The following RGS12 variants were observed in gnomAD, a reference collection of about 807,000 sequenced individuals.
RGS12 encodes regulator of G protein signaling 12.
Under a neutral mutation model 120.1 loss-of-function variants are expected in RGS12, and 66 were observed. The ratio of observed to expected loss-of-function variants is 0.55; its 90% CI spans 0.45 to 0.67. RGS12 has a LOEUF of 0.67. Ranked by LOEUF, RGS12 falls within the 30% of genes least tolerant of loss-of-function variation. RGS12 has a pLI of 0.00. For synonymous variants in RGS12, 827 were observed against 804.7 expected, an observed-to-expected ratio of 1.03 and a Z score of -0.47; for missense variants, 1,859 against 1,957.7, an observed-to-expected ratio of 0.95 and a Z score of 0.95.
At position 3,405,711 on chromosome 4, in the gene RGS12, CAGAT is replaced by C. The variant is rs141751670; in HGVS notation, c.2021-8358_2021-8355del. ...AGGCATGCTGTCTCCAACTTAATCT[CAGAT>C]AGTCTGGAAAAAGGTTGCGTGTGTG... On this transcript the variant is annotated intron_variant, in intron 4 of 17. Coordinates refer to ENST00000336727, the MANE Select transcript of RGS12 (RefSeq NM_001394154.1). Among the ~76,000 whole-genome samples, 1,509 of 152,248 alleles carry C rather than the reference CAGAT, an allele frequency of 9.9e-3. 21 individuals are homozygous for C. The highest frequency in any genetic ancestry group is 0.031 in the African/African-American group (1,296 of 41,524).
At chr4:3,309,747 A>T (rs1391675290) in intron 1 of RGS12, among the ~76,000 whole-genome samples, 1 of 121,592 alleles carries the variant, frequency 8.2e-6, no homozygotes, top group African/African-American at 3.1e-5. Context: ...AGGAGAGCTG[A>T]GCAGGAGAGG....
intron 4 of RGS12, chr4:3,407,487 G>A (rs1721279899): frequency 6.6e-6 from 1 of 152,366 alleles, no homozygotes; most frequent in Admixed American, 6.5e-5. Flanking sequence ...GCTGACCCTG[G>A]TATGGACTCA....
At chr4:3,333,786 G>A (rs1712144799) in intron 2 of RGS12, among the ~76,000 whole-genome samples, 1 of 152,084 alleles carries the variant, frequency 6.6e-6, no homozygotes. Flanking sequence ...CTTGGGCCTC[G>A]CTGTTTTATG....
chr4:3,347,376 G>A (rs1006368185), intron 3 of RGS12, among the ~76,000 whole-genome samples: 7 of 152,074 alleles, frequency 4.6e-5, no homozygotes, highest in African/African-American at 1.4e-4. Flanking sequence ...CCTGGGAGGC[G>A]GAGTTTGCAG....
At chr4:3,299,976 G>A (rs1347676243) in intron 1 of RGS12, among the ~76,000 whole-genome samples, 10 of 152,202 alleles carry the variant, frequency 6.6e-5, no homozygotes, top group Admixed American at 5.2e-4. Flanking sequence ...CTGCTGTTCC[G>A]CGGTCTTCAC....
rs1330726002 is a variant in RGS12, at chr4:3,416,092, C to T, written c.2398C>T (p.Pro800Ser). 6 of 1,614,112 alleles carry T rather than the reference C, an allele frequency of 3.7e-6. No homozygotes were observed. The highest frequency in any genetic ancestry group is 1.7e-5 in the Admixed American group (1 of 60,014). ...AGACGACGTCCTCCGCGCACCTCAC[C>T]CAGACATGTTCAAGGAGCAGCAGCT... ...LADDVLRAPHPDMFKEQQLQI... is the reference protein window; with the variant it reads ...LADDVLRAPHSDMFKEQQLQI... Residue 800 changes from proline (P) to serine (S), a missense_variant, in exon 7 of 18, where the codon CCA (proline) becomes TCA (serine). By Grantham distance (74) the Pro-to-Ser change is moderately conservative. Transcript: ENST00000336727.
rs78253757 is a variant in RGS12 at position 3,374,347 on chromosome 4, G to A, written c.1999-12069G>A. Among the ~76,000 whole-genome samples the A allele has an allele frequency of 0.03, 4,605 of 152,222 alleles. 193 individuals carry two copies. The highest frequency in any genetic ancestry group is 0.096 in the African/African-American group (4,000 of 41,504). On this transcript the variant is annotated intron_variant, in intron 3 of 17. Coordinates refer to ENST00000336727, the MANE Select transcript of RGS12 (RefSeq NM_001394154.1). The surrounding 1 kb of genome is among the most constrained non-coding windows in gnomAD (Gnocchi z 6.3). Reference sequence around the variant, plus strand: ...TTCACCACTGTCAGGTCTTCACGGGGGAGGCCTAGGCTGGGCGGGGACCGG... The same window carrying A: ...TTCACCACTGTCAGGTCTTCACGGGAGAGGCCTAGGCTGGGCGGGGACCGG...
At chr4:3,431,671 G>C in intron 17 of RGS12, 1 of 985,806 alleles carries the variant, frequency 1.0e-6, no homozygotes, top group Non-Finnish European at 1.2e-6. Context: ...GTAGGGAAAG[G>C]TGTTTCCAGG....
intron 2 of RGS12, among the ~76,000 whole-genome samples, chr4:3,338,652 C>T (rs926357244): frequency 5.9e-5 from 9 of 152,122 alleles, no homozygotes; most frequent in African/African-American, 1.7e-4. Context: ...GGTTGGCGGG[C>T]GGGCGGTGTC....
chr4:3,300,462 C>T (rs1723622343), intron 1 of RGS12, among the ~76,000 whole-genome samples: 1 of 129,690 alleles, frequency 7.7e-6, no homozygotes, highest in South Asian at 2.5e-4. Context: ...GGACGTTGGC[C>T]CTGGGAGGAG....
At position 3,331,929 on chromosome 4, in the gene RGS12, A is replaced by G. The variant is rs183269344; in HGVS notation, c.1882-11008A>G. 6.4e-4 allele frequency among the ~76,000 whole-genome samples: 98 copies of G among 152,260 alleles called. 2 individuals are homozygous for G. In the East Asian group the frequency reaches 0.017, roughly 26 times the overall value. Reference sequence around the variant, plus strand: ...TTCCTAGTCCCTGCAGCGTTTGCCCATGGGTTTCATCCTGACCACGGCCAC... The same window carrying G: ...TTCCTAGTCCCTGCAGCGTTTGCCCGTGGGTTTCATCCTGACCACGGCCAC... On this transcript the variant is annotated intron_variant, in intron 2 of 17. Transcript: ENST00000336727.
At position 3,428,179 on chromosome 4, in the gene RGS12, C is replaced by T. The variant is rs1191610340; in HGVS notation, c.3411+10C>T. On this transcript the variant is annotated intron_variant, in intron 15 of 17. Coordinates refer to ENST00000336727, the MANE Select transcript of RGS12 (RefSeq NM_001394154.1). Reference sequence around the variant, plus strand: ...AAACCACTCGGCTACGGTAATTCCCCACCCTGGCCCACCCTGTGCCCTGCT... The same window carrying T: ...AAACCACTCGGCTACGGTAATTCCCTACCCTGGCCCACCCTGTGCCCTGCT... 6.2e-7 allele frequency: 1 copy of T among 1,609,628 alleles called. No individual in the cohort carries two copies. The highest frequency in any genetic ancestry group is 1.1e-5 in the South Asian group (1 of 91,024).
At chr4:3,331,396 T>TA (rs1235174431) in intron 2 of RGS12, among the ~76,000 whole-genome samples, 11 of 151,160 alleles carry the variant, frequency 7.3e-5, no homozygotes, top group Admixed American at 2.6e-4. Context: ...ACATATTTAC[T>TA]AAAAAAAAAC....
intron 1 of RGS12, among the ~76,000 whole-genome samples, chr4:3,308,392 T>C (rs1724092344): frequency 6.6e-6 from 1 of 152,168 alleles, no homozygotes; most frequent in African/African-American, 2.4e-5. Context: ...TCGGCGCTCC[T>C]CTTGCTGCAG....
chr4:3,414,346 T>C (rs1722100811), intron 5 of RGS12, 105 bp downstream of exon 5: 1 of 1,304,508 alleles, frequency 7.7e-7, no homozygotes, highest in Non-Finnish European at 1.0e-6. Flanking sequence ...CTGCGGGCCC[T>C]GAGCAGCCCC....
chr4:3,427,534 G>A (rs1325811375), intron 14 of RGS12, among the ~76,000 whole-genome samples: 3 of 152,182 alleles, frequency 2.0e-5, no homozygotes, highest in East Asian at 1.9e-4. Flanking sequence ...TCAGGAGTTC[G>A]AAACCAGCCT....
chr4:3,423,911 A>C (rs568467401), intron 13 of RGS12: 16 of 386,894 alleles, frequency 4.1e-5, no homozygotes, highest in East Asian at 3.2e-4. Flanking sequence ...AAAATGAGAA[A>C]CAAAGCAACC....
chr4:3,430,683 C>T lies in RGS12; in HGVS notation c.3842C>T (p.Pro1281Leu), dbSNP rs775075333. Reference sequence around the variant, plus strand: ...ACCAGCCCGGGCTCAGCCTCCAGCCCCCCTGGACCTCCTGGGACGACCCCC... The same window carrying T: ...ACCAGCCCGGGCTCAGCCTCCAGCCTCCCTGGACCTCCTGGGACGACCCCC... Reference protein sequence around the residue: ...PSTSPGSASSPPGPPGTTPPG... With the variant: ...PSTSPGSASSLPGPPGTTPPG... Residue 1281 changes from proline (P) to leucine (L), a missense_variant, in exon 17 of 18, where the codon CCC (proline) becomes CTC (leucine). This residue lies in a region of RGS12 where 517 missense variants were observed against 488.5 expected (regional missense o/e 1.06). Transcript: ENST00000336727. The T allele has an allele frequency of 9.5e-6, 15 of 1,581,616 alleles. No individual in the cohort carries two copies. Among genetic ancestry groups the T allele is most frequent in the Non-Finnish European group, 1.2e-5 (14 of 1,163,480 alleles).
chr4:3,331,243 T>C (rs1431684254), intron 2 of RGS12, among the ~76,000 whole-genome samples: 3 of 152,216 alleles, frequency 2.0e-5, no homozygotes, highest in Non-Finnish European at 4.4e-5. Flanking sequence ...CACATATGTT[T>C]ATATGTAAAT....
Sources: allele counts gnomAD v4.1 joint callset (sites outside exome capture counted in the v4.1 genomes callset), GRCh38; gene constraint gnomAD v4.1.1; regional missense constraint gnomAD v4.1.1; non-coding constraint Gnocchi (gnomAD v3.1); transcripts MANE v1.5; gene names NCBI Gene and HGNC (gene_info 2026-07-23, HGNC 2026-07-21).